The following RORA variants were observed in gnomAD, a reference collection of about 807,000 sequenced individuals.
RORA encodes the protein RAR related orphan receptor A, also known as nuclear receptor ROR-alpha.
A neutral mutation model predicts 69.5 loss-of-function variants in RORA; 7 were observed. The ratio of observed to expected loss-of-function variants is 0.10; its 90% confidence interval spans 0.06 to 0.19. The LOEUF (loss-of-function observed/expected upper bound fraction) is 0.19, where lower values mean the gene tolerates loss of function less well. RORA is among the 10% of genes least tolerant of loss of function. The pLI, the probability that RORA is intolerant of heterozygous loss-of-function variation, is 1.00. For synonymous variants in RORA, 261 were observed against 240.8 expected, an observed-to-expected ratio of 1.08 and a Z score of -0.78; for missense variants, 457 against 663.0, an observed-to-expected ratio of 0.69 and a Z score of 3.41.
At chr15:61,181,285 G>C (rs2079683129) in intron 1 of RORA, 1 of 151,898 alleles carries the variant, frequency 6.6e-6, no homozygotes, top group Non-Finnish European at 1.5e-5. Context: ...AGAATGAAGG[G>C]TAGCCATTCT....
chr15:61,021,532 T>C (rs144938109), intron 1 of RORA, among the ~76,000 whole-genome samples: 3 of 152,272 alleles, frequency 2.0e-5, no homozygotes, highest in Non-Finnish European at 4.4e-5. Context: ...AGTGAGGACA[T>C]TGAGGCTGAT....
chr15:60,553,527 C>T (rs1454238715), intron 2 of RORA, among the ~76,000 whole-genome samples: 1 of 152,168 alleles, frequency 6.6e-6, no homozygotes, highest in Non-Finnish European at 1.5e-5. Context: ...CTAATTTTAG[C>T]TCTGCAACTA....
At chr15:60,998,454 G>A (rs899306397) in intron 1 of RORA, among the ~76,000 whole-genome samples, 1 of 151,356 alleles carries the variant, frequency 6.6e-6, no homozygotes, top group Non-Finnish European at 1.5e-5. Flanking sequence ...CTGGAGTGCA[G>A]TGGTGTGATC....
chr15:61,108,157 G>C (rs185050080), intron 1 of RORA, among the ~76,000 whole-genome samples: 1 of 152,106 alleles, frequency 6.6e-6, no homozygotes, highest in African/African-American at 2.4e-5. Flanking sequence ...GTCCCTTCCA[G>C]GTTCTTGAAA....
chr15:60,892,895 G>A (rs1242145175), intron 1 of RORA, among the ~76,000 whole-genome samples: 2 of 152,156 alleles, frequency 1.3e-5, no homozygotes, highest in African/African-American at 4.8e-5. Flanking sequence ...AATTTAGCTG[G>A]AACATTGTAT....
intron 1 of RORA, among the ~76,000 whole-genome samples, chr15:61,082,962 AG>A (rs1224491158): frequency 6.6e-6 from 1 of 152,228 alleles, no homozygotes; most frequent in African/African-American, 2.4e-5. Context: ...ACTAAAAAAT[AG>A]AACCAGGCTG....
rs186844381 is a variant in RORA at position 61,101,464 on chromosome 15, G to A, written c.166+127589C>T. 2.3e-3 allele frequency among the ~76,000 whole-genome samples: 353 copies of A among 152,178 alleles called. 1 individual carries two copies. Among genetic ancestry groups the A allele is most frequent in the African/African-American group, 8.0e-3 (334 of 41,528 alleles). On this transcript the variant is annotated intron_variant, in intron 1 of 10. Transcript: ENST00000335670. ...AGATGTGCAAGGGCCCCGAGGTAGG[G>A]AAGAGCATGATACATTCACGAAACT...
intron 2 of RORA, among the ~76,000 whole-genome samples, chr15:60,593,671 A>C (rs1231536620): frequency 6.6e-6 from 1 of 152,194 alleles, no homozygotes; most frequent in African/African-American, 2.4e-5. Flanking sequence ...ACAGAAAAAA[A>C]TTCTGAAAAG....
chr15:60,634,211 A>C (rs976144095), intron 2 of RORA, among the ~76,000 whole-genome samples: 6 of 152,170 alleles, frequency 3.9e-5, no homozygotes, highest in African/African-American at 1.4e-4. Context: ...GAATACGTAA[A>C]AAAGATACAC....
intron 1 of RORA, among the ~76,000 whole-genome samples, chr15:61,085,036 A>C (rs1595966570): frequency 1.4e-5 from 2 of 145,984 alleles, no homozygotes. Flanking sequence ...ACCCCTCCTC[A>C]CTCCCTCCCC....
chr15:60,997,954 T>C (rs1289379094), intron 1 of RORA, among the ~76,000 whole-genome samples: 1 of 152,224 alleles, frequency 6.6e-6, no homozygotes, highest in Non-Finnish European at 1.5e-5. Flanking sequence ...ACATTGTTTA[T>C]GGAGAGAGTG....
At chr15:61,174,693 A>C (rs1460487797) in intron 1 of RORA, among the ~76,000 whole-genome samples, 1 of 152,170 alleles carries the variant, frequency 6.6e-6, no homozygotes, top group African/African-American at 2.4e-5. Context: ...ACACCTTCCC[A>C]GGCTCCAGTG....
intron 1 of RORA, among the ~76,000 whole-genome samples, chr15:60,973,918 G>A (rs1411682499): frequency 6.6e-6 from 1 of 152,220 alleles, no homozygotes; most frequent in Non-Finnish European, 1.5e-5. Context: ...AGCTGATGGA[G>A]GATCACTTTA....
chr15:61,145,070 T>C (rs944941999), intron 1 of RORA, among the ~76,000 whole-genome samples: 18 of 152,204 alleles, frequency 1.2e-4, no homozygotes, highest in African/African-American at 4.1e-4. Flanking sequence ...GTTTCCATAC[T>C]ACTATATCTA....
chr15:60,546,362 T>C (rs1176780573), intron 2 of RORA: 1 of 152,190 alleles, frequency 6.6e-6, no homozygotes, highest in African/African-American at 2.4e-5. Context: ...ACTTTAGCAG[T>C]GGCTATAAAT....
intron 1 of RORA, among the ~76,000 whole-genome samples, chr15:61,012,562 A>G (rs1367947194): frequency 2.0e-5 from 3 of 152,238 alleles, no homozygotes; most frequent in Non-Finnish European, 4.4e-5. Flanking sequence ...AATCACTTTA[A>G]TAATAGACTT....
At chr15:60,818,733 A>G (rs2072849870) in intron 1 of RORA, among the ~76,000 whole-genome samples, 1 of 152,226 alleles carries the variant, frequency 6.6e-6, no homozygotes, top group Admixed American at 6.5e-5. Flanking sequence ...AAGGATTTCT[A>G]TCTTTCATCA....
intron 2 of RORA, among the ~76,000 whole-genome samples, chr15:60,579,691 G>T (rs1180152183): frequency 6.6e-6 from 1 of 152,066 alleles, no homozygotes; most frequent in East Asian, 1.9e-4. Context: ...TTTCACTTTG[G>T]GGGTATTTTG....
Position 60,497,192 on chromosome 15 carries a change from C to G in RORA, c.*263G>C. ...TTTAGTACCCTCCTCCTGTTGTAAACAGAGGTCAATGATCAAGAAGTCAAG... is the reference window on the plus strand; with the variant it reads ...TTTAGTACCCTCCTCCTGTTGTAAAGAGAGGTCAATGATCAAGAAGTCAAG... On this transcript the variant is annotated 3_prime_UTR_variant, in exon 11 of 11. Coordinates refer to ENST00000335670, the MANE Select transcript of RORA (RefSeq NM_134261.3). The G allele has an allele frequency of 5.7e-6, 2 of 348,076 alleles. No individual in the cohort carries two copies. Among genetic ancestry groups the G allele is most frequent in the Non-Finnish European group, 5.3e-6 (1 of 189,606 alleles). 21.6% of individuals were successfully genotyped at this position (348,076 alleles called of 1,614,324 possible). A position where few individuals can be genotyped will look rare whatever the true frequency, so the allele number is the denominator to read the frequency against.
Sources: allele counts gnomAD v4.1 joint callset (sites outside exome capture counted in the v4.1 genomes callset), GRCh38; gene constraint gnomAD v4.1.1; transcripts MANE v1.5; gene names NCBI Gene and HGNC (gene_info 2026-07-23, HGNC 2026-07-21).